PGBD5: variants seen among roughly 807,000 people sequenced by gnomAD.
The protein encoded by PGBD5 is piggyBac transposable element-derived protein 5.
In PGBD5, 14 loss-of-function variants were observed where a neutral mutation model predicts 47.9. That is an observed-to-expected ratio of 0.29 (90% CI 0.19 to 0.46). PGBD5 has a LOEUF of 0.46. Ranked by LOEUF, PGBD5 falls within the 20% of genes least tolerant of loss-of-function variation. The pLI is 1.00. For missense variants in PGBD5, 635 were observed against 716.0 expected (o/e 0.89, Z 1.29); for synonymous variants, 316 against 306.3 (o/e 1.03, Z -0.33).
At chr1:230,408,503 A>G (rs57870021) in intron 1 of PGBD5, among the ~76,000 whole-genome samples, 123 of 152,352 alleles carry the variant, frequency 8.1e-4, no homozygotes, top group African/African-American at 2.9e-3. Flanking sequence ...ACTGTAGAGC[A>G]ATACATATTT....
rs749102124 is a variant in PGBD5 at position 230,316,417 on chromosome 1, G to C, written c.*7008C>G. ...CTGAACACCGTACGCAATTGTTCTG[G>C]GCCCATCTTTCCAATCTATTGAAAT... On this transcript the variant is annotated 3_prime_UTR_variant, in exon 7 of 7. Coordinates refer to ENST00000391860, the MANE Select transcript of PGBD5 (RefSeq NM_001258311.2). 1 of 151,994 alleles carries C rather than the reference G, an allele frequency of 6.6e-6. No individual in the cohort carries two copies. The highest frequency in any genetic ancestry group is 1.5e-5 in the Non-Finnish European group (1 of 68,014). 9.4% of individuals were successfully genotyped at this position (151,994 alleles called of 1,614,324 possible).
chr1:230,426,046 C>A lies in PGBD5; in HGVS notation c.-118G>T. 1 of 416,864 alleles carries A rather than the reference C, an allele frequency of 2.4e-6. No individual in the cohort carries two copies. The highest frequency in any genetic ancestry group is 9.4e-5 in the South Asian group (1 of 10,680). 25.8% of individuals were successfully genotyped at this position (416,864 alleles called of 1,614,324 possible). ...CCAGCGCAGCCCGCAGCACAGCGCC[C>A]GCCGCCCCGTGCCCGGCCGGCCCGC... On this transcript the variant is annotated 5_prime_UTR_variant, in exon 1 of 7. Coordinates refer to ENST00000391860, the MANE Select transcript of PGBD5 (RefSeq NM_001258311.2).
rs1657757585 is a variant in PGBD5 at position 230,425,614 on chromosome 1, G to A, written c.315C>T (p.Arg105=). The A allele has an allele frequency of 1.6e-6, 2 of 1,219,560 alleles. No individual in the cohort carries two copies. The highest frequency in any genetic ancestry group is 8.3e-5 in the South Asian group (2 of 24,208). The allele number at this position is 1,219,560 out of a possible 1,614,324, so 75.5% of individuals were successfully genotyped here. Reference sequence around the variant, plus strand: ...GCCCCTTACCGCCGGTATCCTCGAAGCGCGGGGGCGGGCGGTCCCGCAGCG... The same window carrying A: ...GCCCCTTACCGCCGGTATCCTCGAAACGCGGGGGCGGGCGGTCCCGCAGCG... ...SAALRDRPPP[R]FEDTGGPTRK... Residue 105 remains arginine, a synonymous_variant, in exon 1 of 7, where the codon CGC becomes CGT. Coordinates refer to ENST00000391860, the MANE Select transcript of PGBD5 (RefSeq NM_001258311.2). The surrounding 1 kb of genome is among the most constrained non-coding windows in gnomAD (Gnocchi z 4.7).
rs527309098 is a variant in PGBD5, at chr1:230,378,272, T to C, written c.332-20951A>G. 8.5e-5 allele frequency among the ~76,000 whole-genome samples: 13 copies of C among 152,292 alleles called. No homozygotes were observed. In the South Asian group the frequency reaches 1.9e-3, roughly 22 times the overall value. On this transcript the variant is annotated intron_variant, in intron 1 of 6. Coordinates refer to ENST00000391860, the MANE Select transcript of PGBD5 (RefSeq NM_001258311.2). ...GCACAAAGAAATCAAATCACTGCCA[T>C]TGCAGGGATTATAATGAAATGGTCA...
intron 1 of PGBD5, among the ~76,000 whole-genome samples, chr1:230,364,645 T>C (rs1038146877): frequency 6.6e-6 from 1 of 152,206 alleles, no homozygotes; most frequent in Non-Finnish European, 1.5e-5. Flanking sequence ...AAAAATAAAA[T>C]AGCTTTAGAA....
At chr1:230,377,580 A>T (rs184665949) in intron 1 of PGBD5, 1 of 1,597,696 alleles carries the variant, frequency 6.3e-7, no homozygotes, top group Admixed American at 1.7e-5. Flanking sequence ...AGTCCCCGAG[A>T]GTACTTTGCA....
In PGBD5 at chr1:230,425,456, C is replaced by T. The variant is rs1436161157; in HGVS notation, c.331+142G>A. ...CCAGGAGCAGTCAGACCGATCACCG[C>T]TCCTGCAGCCTCATTTGTTTCCGGA... On this transcript the variant is annotated intron_variant, in intron 1 of 6. Coordinates refer to ENST00000391860, the MANE Select transcript of PGBD5 (RefSeq NM_001258311.2). This position sits in a 1 kb window ranked among gnomAD's most constrained non-coding sequence, Gnocchi z 4.7. 5.0e-6 allele frequency: 3 copies of T among 603,562 alleles called. No individual in the cohort carries two copies. Among genetic ancestry groups the T allele is most frequent in the African/African-American group, 3.9e-5 (2 of 51,756 alleles). The allele number at this position is 603,562 out of a possible 1,614,324, so 37.4% of individuals were successfully genotyped here.
intron 2 of PGBD5, among the ~76,000 whole-genome samples, chr1:230,356,604 G>T (rs1667649870): frequency 6.6e-6 from 1 of 152,200 alleles, no homozygotes; most frequent in South Asian, 2.1e-4. Context: ...CATTTGGAAA[G>T]TATAATTAAA....
At chr1:230,346,611 C>A (rs1667476158) in intron 3 of PGBD5, among the ~76,000 whole-genome samples, 1 of 152,162 alleles carries the variant, frequency 6.6e-6, no homozygotes, top group Admixed American at 6.5e-5. Flanking sequence ...TCCCTGCCTG[C>A]CTACTTTTGT....
chr1:230,338,517 T>G (rs1667361957), intron 3 of PGBD5, among the ~76,000 whole-genome samples: 1 of 152,176 alleles, frequency 6.6e-6, no homozygotes, highest in Non-Finnish European at 1.5e-5. Context: ...CGGCAATGAT[T>G]GGCCAGGCAC....
At chr1:230,337,341 A>T (rs1667342827) in intron 3 of PGBD5, 53 bp from the exon 4 acceptor site, 1 of 1,493,436 alleles carries the variant, frequency 6.7e-7, no homozygotes. Context: ...TCAGGCTGGG[A>T]GCCCGAGTAT....
chr1:230,385,147 C>T (rs145949238), intron 1 of PGBD5, among the ~76,000 whole-genome samples: 85 of 152,130 alleles, frequency 5.6e-4, no homozygotes, highest in African/African-American at 1.9e-3. Flanking sequence ...GTCTCGCGCA[C>T]GTGTTATTTT....
intron 1 of PGBD5, among the ~76,000 whole-genome samples, chr1:230,359,118 C>A (rs1031727646): frequency 9.2e-5 from 14 of 151,692 alleles, no homozygotes; most frequent in Admixed American, 3.9e-4. Context: ...CTAGAGTGCA[C>A]TGGTGCAATC....
intron 3 of PGBD5, among the ~76,000 whole-genome samples, chr1:230,348,311 G>A (rs1357649238): frequency 6.6e-6 from 1 of 152,232 alleles, no homozygotes; most frequent in Admixed American, 6.5e-5. Context: ...AGCAATGACT[G>A]AGCAGCTAGT....
chr1:230,326,766 C>A (rs1485379714), intron 5 of PGBD5, among the ~76,000 whole-genome samples: 1 of 152,190 alleles, frequency 6.6e-6, no homozygotes, highest in African/African-American at 2.4e-5. Context: ...CGAGCCTCCA[C>A]GCGCAGCCAA....
chr1:230,374,045 T>C (rs1293839354), intron 1 of PGBD5, among the ~76,000 whole-genome samples: 2 of 152,050 alleles, frequency 1.3e-5, no homozygotes, highest in African/African-American at 4.8e-5. Flanking sequence ...TGAGAATGAA[T>C]AGAAAAAAGT....
intron 1 of PGBD5, chr1:230,362,407 C>T (rs368821534): frequency 2.5e-5 from 34 of 1,348,162 alleles, no homozygotes; most frequent in East Asian, 4.6e-5. Flanking sequence ...GGAGGCTTGC[C>T]GGGGAAGCCT....
At chr1:230,326,291 G>A (rs914299390) in intron 5 of PGBD5, among the ~76,000 whole-genome samples, 3 of 152,144 alleles carry the variant, frequency 2.0e-5, no homozygotes, top group Non-Finnish European at 2.9e-5. Context: ...GGTGGCAGGC[G>A]CCTGTAATTC....
chr1:230,424,248 C>T (rs1657721352), intron 1 of PGBD5, among the ~76,000 whole-genome samples: 1 of 152,160 alleles, frequency 6.6e-6, no homozygotes, highest in Non-Finnish European at 1.5e-5. Context: ...GGCCAGGAGA[C>T]CTTAATGACA....
Sources: gnomAD v4.1 joint callset for allele counts (sites outside exome capture counted in the v4.1 genomes callset) on GRCh38, gnomAD v4.1.1 for gene constraint, Gnocchi (gnomAD v3.1) non-coding constraint, MANE v1.5 for transcripts, NCBI Gene and HGNC (gene_info 2026-07-23, HGNC 2026-07-21) for gene names.